CCND2: variants seen among roughly 807,000 people sequenced by gnomAD.
CCND2 encodes the protein cyclin D2, also known as G1/S-specific cyclin-D2.
CCND2 carries 6 observed loss-of-function variants against 30.2 expected under a neutral mutation model. The ratio of observed to expected loss-of-function variants is 0.20; its 90% CI spans 0.11 to 0.39. The LOEUF (loss-of-function observed/expected upper bound fraction) is 0.39, where lower values mean the gene tolerates loss of function less well. Ranked by LOEUF, CCND2 falls within the 10% of genes least tolerant of loss-of-function variation. The pLI, the probability that CCND2 is intolerant of heterozygous loss-of-function variation, is 1.00. For synonymous variants in CCND2, 150 were observed against 153.1 expected, an observed-to-expected ratio of 0.98 and a Z score of 0.15; for missense variants, 235 against 373.4, an observed-to-expected ratio of 0.63 and a Z score of 3.06.
rs1228447544 is a variant in CCND2 at position 4,285,264 on chromosome 12, C to T, written c.572-3578C>T. 2 of 985,060 alleles carry T rather than the reference C, an allele frequency of 2.0e-6. No homozygotes were observed. The highest frequency in any genetic ancestry group is 3.5e-5 in the African/African-American group (2 of 57,202). The allele number at this position is 985,060 out of a possible 1,614,324, so 61.0% of individuals were successfully genotyped here. ...TCGCTGATCGGTTCATTGCCTCTCT[C>T]TCTGCTGCAGGAGGAAGGATCTCAG... On this transcript the variant is annotated intron_variant, in intron 3 of 4. Coordinates refer to ENST00000261254, the MANE Select transcript of CCND2 (RefSeq NM_001759.4). The surrounding 1 kb of genome is among the most constrained non-coding windows in gnomAD (Gnocchi z 4.1).
chr12:4,303,821 C>G lies in CCND2; in HGVS notation c.*3812C>G, dbSNP rs188655271. ...GGACCCCACTGGAGAGCACAGCATG[C>G]CTTACTACTGGGTCATCCTTGGTCT... On this transcript the variant is annotated 3_prime_UTR_variant, in exon 5 of 5. Coordinates refer to ENST00000261254, the MANE Select transcript of CCND2 (RefSeq NM_001759.4). The surrounding 1 kb of genome is among the most constrained non-coding windows in gnomAD (Gnocchi z 4.6). 1 of 233,186 alleles carries G rather than the reference C, an allele frequency of 4.3e-6. No individual in the cohort carries two copies. The highest frequency in any genetic ancestry group is 2.2e-5 in the African/African-American group (1 of 45,332). 14.4% of individuals were successfully genotyped at this position (233,186 alleles called of 1,614,324 possible). A position where few individuals can be genotyped will look rare whatever the true frequency, so the allele number is the denominator to read the frequency against.
rs1864289977 is a variant in CCND2 at position 4,304,434 on chromosome 12, G to C, written c.*4425G>C. 4.3e-6 allele frequency: 1 copy of C among 233,580 alleles called. No individual in the cohort carries two copies. Among genetic ancestry groups the C allele is most frequent in the African/African-American group, 2.2e-5 (1 of 45,344 alleles). 14.5% of individuals were successfully genotyped at this position (233,580 alleles called of 1,614,324 possible). The stretch of plus-strand genomic sequence containing the variant: ...GCAGGTTTCTATTGGTGTGGACTCA[G>C]AGCAATTTACAAGAGCTGTTCATGC... On this transcript the variant is annotated 3_prime_UTR_variant, in exon 5 of 5. Coordinates refer to ENST00000261254, the MANE Select transcript of CCND2 (RefSeq NM_001759.4). The surrounding 1 kb of genome is among the most constrained non-coding windows in gnomAD (Gnocchi z 6.2).
rs1276406492 is a variant in CCND2, at chr12:4,274,309, C to T, written c.195+74C>T. 16 of 1,516,710 alleles carry T rather than the reference C, an allele frequency of 1.1e-5. No homozygotes were observed. The Admixed American group carries it at 2.8e-4, about 27-fold the overall frequency. The allele number at this position is 1,516,710 out of a possible 1,614,324, so 94.0% of individuals were successfully genotyped here. ...TCGGGTCCCCGGCCGGAGCCCTAAA[C>T]CTGGGAGAGGGCAATCCCCGCGCCG... is the stretch of plus-strand genomic sequence containing the variant. On this transcript the variant is annotated intron_variant, in intron 1 of 4. Coordinates refer to ENST00000261254, the MANE Select transcript of CCND2 (RefSeq NM_001759.4). This position sits in a 1 kb window ranked among gnomAD's most constrained non-coding sequence, Gnocchi z 7.7.
In CCND2 at chr12:4,273,996, T is replaced by G. The variant is rs1863823033; in HGVS notation, c.-45T>G. The G allele has an allele frequency of 6.3e-7, 1 of 1,579,836 alleles. No individual in the cohort carries two copies. Among genetic ancestry groups the G allele is most frequent in the Non-Finnish European group, 8.6e-7 (1 of 1,161,268 alleles). Reference sequence around the variant, plus strand: ...AAAAACAAAAACAGAAAAACCTTTTTCCAGGCCGGGGAAAGCAGGAGGGAG... The same window carrying G: ...AAAAACAAAAACAGAAAAACCTTTTGCCAGGCCGGGGAAAGCAGGAGGGAG... On this transcript the variant is annotated 5_prime_UTR_variant, in exon 1 of 5. Coordinates refer to ENST00000261254, the MANE Select transcript of CCND2 (RefSeq NM_001759.4). This position sits in a 1 kb window ranked among gnomAD's most constrained non-coding sequence, Gnocchi z 5.9.
In CCND2 at chr12:4,303,647, T is replaced by C. The variant is rs145781080; in HGVS notation, c.*3638T>C. On this transcript the variant is annotated 3_prime_UTR_variant, in exon 5 of 5. Transcript: ENST00000261254. The surrounding 1 kb of genome is among the most constrained non-coding windows in gnomAD (Gnocchi z 4.6). ...TGCCAAAAATATATGCTAAGCATAA[T>C]TAAACTCCATGCGGGTCCATAACAG... 2.1e-3 allele frequency: 497 copies of C among 233,644 alleles called. 5 individuals are homozygous for C. The highest frequency in any genetic ancestry group is 0.01 in the African/African-American group (456 of 45,414). The allele number at this position is 233,644 out of a possible 1,614,324, so 14.5% of individuals were successfully genotyped here.
At chr12:4,288,816 G>T in intron 3 of CCND2, 26 bp from the exon 4 acceptor site, 2 of 1,598,212 alleles carry the variant, frequency 1.3e-6, no homozygotes, top group South Asian at 2.2e-5. Context: ...TCTGTGCCCT[G>T]ACCTTCTGCC....
At chr12:4,275,149 G>C (rs896836428) in intron 1 of CCND2, 7 of 152,228 alleles carry the variant, frequency 4.6e-5, no homozygotes, top group Admixed American at 3.9e-4. Flanking sequence ...CCTCTTTCCA[G>C]GGCTCTCTGC....
chr12:4,303,994 G>A lies in CCND2; in HGVS notation c.*3985G>A. 4.3e-6 allele frequency: 1 copy of A among 233,358 alleles called. No homozygotes were observed. The highest frequency in any genetic ancestry group is 8.5e-6 in the Non-Finnish European group (1 of 118,098). 14.5% of individuals were successfully genotyped at this position (233,358 alleles called of 1,614,324 possible). ...AGCAGGATTGGCAACTCTTCAGACG[G>A]AGCTGCGCTTCCCTGCAGTCTAGCA... On this transcript the variant is annotated 3_prime_UTR_variant, in exon 5 of 5. Coordinates refer to ENST00000261254, the MANE Select transcript of CCND2 (RefSeq NM_001759.4). This position sits in a 1 kb window ranked among gnomAD's most constrained non-coding sequence, Gnocchi z 4.6.
chr12:4,299,580 G>T lies in CCND2; in HGVS notation c.721-280G>T, dbSNP rs896016277. ...TGCTTCTCAGAATGCCAATCACCTGGGCTCCACTAAAAGGCAGGTTCTGAA... is the reference window on the plus strand; with the variant it reads ...TGCTTCTCAGAATGCCAATCACCTGTGCTCCACTAAAAGGCAGGTTCTGAA... On this transcript the variant is annotated intron_variant, in intron 4 of 4. Transcript: ENST00000261254. This position sits in a 1 kb window ranked among gnomAD's most constrained non-coding sequence, Gnocchi z 5.2. 5.3e-5 allele frequency among the ~76,000 whole-genome samples: 8 copies of T among 152,060 alleles called. No individual in the cohort carries two copies. Among genetic ancestry groups the T allele is most frequent in the Non-Finnish European group, 1.2e-4 (8 of 68,028 alleles).
chr12:4,281,703 G>A (rs1190832598), intron 3 of CCND2, among the ~76,000 whole-genome samples: 1 of 152,128 alleles, frequency 6.6e-6, no homozygotes, highest in Non-Finnish European at 1.5e-5. Context: ...TGAAAGAGCT[G>A]GCAGTGGTTC....
chr12:4,300,004 C>T lies in CCND2; in HGVS notation c.865C>T (p.Leu289=). The T allele has an allele frequency of 1.2e-6, 2 of 1,613,408 alleles. No homozygotes were observed. The highest frequency in any genetic ancestry group is 1.7e-6 in the Non-Finnish European group (2 of 1,179,622). ...CCCTACAGACGTGCGGGATATCGAC[C>T]TGTGAGGATGCCAGTTGGGCCGAAA... is the stretch of plus-strand genomic sequence containing the variant. ...STPTDVRDID[L] The change falls in exon 5 of 5, where the codon CTG becomes TTG. Residue 289 remains leucine (L), a synonymous_variant. Transcript: ENST00000261254.
chr12:4,275,889 C>CA (rs1016654362), intron 1 of CCND2, 116 bp from the exon 2 acceptor site: 432 of 647,632 alleles, frequency 6.7e-4, no homozygotes, highest in Middle Eastern at 1.6e-3. Context: ...CCCCCTCCCA[C>CA]AAAAAAAAAT....
At chr12:4,296,595 G>A (rs1459054434) in intron 4 of CCND2, among the ~76,000 whole-genome samples, 1 of 152,192 alleles carries the variant, frequency 6.6e-6, no homozygotes, top group Non-Finnish European at 1.5e-5. Flanking sequence ...TAGGCCTTAT[G>A]CTTTGGGTAG....
At chr12:4,297,930 C>A in intron 4 of CCND2, 1 of 356,352 alleles carries the variant, frequency 2.8e-6, no homozygotes, top group Non-Finnish European at 5.9e-6. Flanking sequence ...GCACTCTTCC[C>A]AGACACACAG....
rs1173167989 is a variant in CCND2 at position 4,302,006 on chromosome 12, T to C, written c.*1997T>C. On this transcript the variant is annotated 3_prime_UTR_variant, in exon 5 of 5. Coordinates refer to ENST00000261254, the MANE Select transcript of CCND2 (RefSeq NM_001759.4). ...GGAGTATTCTTTACCTCAGGTTTACTGGACAAAATCAATAACTACAAAAGG... is the reference window on the plus strand; with the variant it reads ...GGAGTATTCTTTACCTCAGGTTTACCGGACAAAATCAATAACTACAAAAGG... The C allele has an allele frequency of 8.8e-6, 2 of 226,538 alleles. No homozygotes were observed. Among genetic ancestry groups the C allele is most frequent in the East Asian group, 6.3e-5 (1 of 15,770 alleles). The allele number at this position is 226,538 out of a possible 1,614,324, so 14.0% of individuals were successfully genotyped here. A position where few individuals can be genotyped will look rare whatever the true frequency, so the allele number is the denominator to read the frequency against.
chr12:4,277,607 G>C (rs3217798), intron 2 of CCND2, among the ~76,000 whole-genome samples: 1,553 of 152,332 alleles, frequency 0.01, 27 homozygotes, highest in African/African-American at 0.034. Flanking sequence ...AACAAACTTG[G>C]CTTTTTCCTA....
At position 4,278,872 on chromosome 12, in the gene CCND2, C is replaced by G. The variant is rs143681287; in HGVS notation, c.524C>G (p.Ser175Cys). Residue 175 changes from serine (S) to cysteine (C), a missense_variant, in exon 3 of 5, where the codon TCT (serine) becomes TGT (cysteine). By Grantham distance (112) the Ser-to-Cys change is moderately radical (BLOSUM62 -1). Transcript: ENST00000261254. ...CTGCCCCAGCAGCGGGAGAAGCTGTCTCTGATCCGCAAGCATGCTCAGACC... is the reference window on the plus strand; with the variant it reads ...CTGCCCCAGCAGCGGGAGAAGCTGTGTCTGATCCGCAAGCATGCTCAGACC... ...RKLPQQREKL[S>C]LIRKHAQTFI... 3.9e-4 allele frequency: 624 copies of G among 1,614,030 alleles called. No homozygotes were observed. The highest frequency in any genetic ancestry group is 5.1e-4 in the Non-Finnish European group (600 of 1,180,024).
rs1256755653 is a variant in CCND2 at position 4,274,029 on chromosome 12, G to A, written c.-12G>A. ...GGGGAAAGCAGGAGGGAGAGGGGCC[G>A]CCGGGCTGGCCATGGAGCTGCTGTG... On this transcript the variant is annotated 5_prime_UTR_variant, in exon 1 of 5. Coordinates refer to ENST00000261254, the MANE Select transcript of CCND2 (RefSeq NM_001759.4). This position sits in a 1 kb window ranked among gnomAD's most constrained non-coding sequence, Gnocchi z 7.7. The A allele has an allele frequency of 1.2e-6, 2 of 1,605,508 alleles. No homozygotes were observed. The highest frequency in any genetic ancestry group is 2.2e-5 in the East Asian group (1 of 44,698).
chr12:4,277,942 G>T (rs1367867258), intron 2 of CCND2, among the ~76,000 whole-genome samples: 1 of 152,180 alleles, frequency 6.6e-6, no homozygotes, highest in Non-Finnish European at 1.5e-5. Context: ...CAGTGAAAGA[G>T]GGAAACAAGG....
Sources: gnomAD v4.1 joint callset for allele counts (sites outside exome capture counted in the v4.1 genomes callset) on GRCh38, gnomAD v4.1.1 for gene constraint, Gnocchi (gnomAD v3.1) non-coding constraint, MANE v1.5 for transcripts, NCBI Gene and HGNC (gene_info 2026-07-23, HGNC 2026-07-21) for gene names.